TIAM1: variants seen among roughly 807,000 people sequenced by gnomAD.
TIAM1 encodes the protein TIAM Rac1 associated GEF 1.
A neutral mutation model predicts 163.5 loss-of-function variants in TIAM1; 65 were observed. The observed-to-expected ratio is 0.40, with a 90% CI of 0.33 to 0.49. TIAM1 has a LOEUF of 0.49. Among genes scored for constraint, TIAM1 ranks in the 20% least tolerant of loss-of-function variants. TIAM1 has a pLI of 0.77. For synonymous variants in TIAM1, 833 were observed against 810.1 expected (o/e 1.03, Z -0.48); for missense variants, 1,789 against 2,044.7 (o/e 0.87, Z 2.41).
intron 2 of TIAM1, among the ~76,000 whole-genome samples, chr21:31,383,395 T>C (rs180719193): frequency 3.9e-5 from 6 of 152,326 alleles, no homozygotes; most frequent in South Asian, 2.1e-4. Context: ...ATGATGTTCA[T>C]TGAATACCTA....
chr21:31,539,133 C>T (rs1453559285), intron 1 of TIAM1, among the ~76,000 whole-genome samples: 1 of 152,192 alleles, frequency 6.6e-6, no homozygotes, highest in African/African-American at 2.4e-5. Context: ...AGCACACACA[C>T]ACCACATACA....
chr21:31,163,318 G>A (rs1192802690), intron 16 of TIAM1, among the ~76,000 whole-genome samples: 1 of 152,104 alleles, frequency 6.6e-6, no homozygotes, highest in South Asian at 2.1e-4. Context: ...ACAACTGACC[G>A]ACCCCACAAA....
Position 31,130,332 on chromosome 21 carries a change from A to T in TIAM1, c.3943-17T>A. On this transcript the variant is annotated splice_polypyrimidine_tract_variant and intron_variant, in intron 24 of 27. Transcript: ENST00000541036. ...AGATCCTACCTGCAGAGGAGAAGGA[A>T]CCAGCTGCATAAGAAGAATCTAACC... The T allele has an allele frequency of 6.3e-7, 1 of 1,596,776 alleles. No individual in the cohort carries two copies. Among genetic ancestry groups the T allele is most frequent in the Non-Finnish European group, 8.6e-7 (1 of 1,164,364 alleles).
chr21:31,159,481 C>A (rs2083792681), intron 16 of TIAM1, among the ~76,000 whole-genome samples: 1 of 152,216 alleles, frequency 6.6e-6, no homozygotes, highest in Non-Finnish European at 1.5e-5. Flanking sequence ...TTGAGTCTGA[C>A]CGATTTAACA....
chr21:31,223,298 C>T, intron 8 of TIAM1, 108 bp downstream of exon 8: 1 of 1,237,902 alleles, frequency 8.1e-7, no homozygotes, highest in South Asian at 1.7e-5. Context: ...TTCAGAAATC[C>T]ATACACAGCA....
At chr21:31,329,919 G>A (rs773743366) in intron 2 of TIAM1, among the ~76,000 whole-genome samples, 12 of 152,228 alleles carry the variant, frequency 7.9e-5, no homozygotes, top group East Asian at 1.9e-4. Context: ...GCAAAATTAC[G>A]CAGAAAGCAC....
At chr21:31,318,992 T>G (rs1295919059) in intron 2 of TIAM1, among the ~76,000 whole-genome samples, 1 of 152,196 alleles carries the variant, frequency 6.6e-6, no homozygotes, top group Admixed American at 6.5e-5. Flanking sequence ...GCCTCCCAGC[T>G]GGCTACAATT....
intron 2 of TIAM1, among the ~76,000 whole-genome samples, chr21:31,310,776 G>C (rs1024506498): frequency 6.6e-6 from 1 of 152,142 alleles, no homozygotes; most frequent in African/African-American, 2.4e-5. Flanking sequence ...TGTTAGCGTA[G>C]CCAAAAACCC....
At chr21:31,142,646 A>G (rs1206839400) in intron 20 of TIAM1, among the ~76,000 whole-genome samples, 1 of 144,298 alleles carries the variant, frequency 6.9e-6, no homozygotes, top group Non-Finnish European at 1.5e-5. Flanking sequence ...AAAAAAAAAA[A>G]GAAAGAAAAA....
chr21:31,123,946 C>T (rs955849761), intron 27 of TIAM1: 1 of 152,160 alleles, frequency 6.6e-6, no homozygotes, highest in Non-Finnish European at 1.5e-5. Context: ...AAGAATAGCT[C>T]GAGGCTTCCC....
chr21:31,285,901 G>T (rs948231248), intron 2 of TIAM1, among the ~76,000 whole-genome samples: 39 of 152,274 alleles, frequency 2.6e-4, no homozygotes, highest in African/African-American at 9.1e-4. Flanking sequence ...TAAAATAAAA[G>T]AGAGAGTTCA....
chr21:31,225,044 A>C (rs1251168289), intron 7 of TIAM1, among the ~76,000 whole-genome samples: 2 of 152,084 alleles, frequency 1.3e-5, no homozygotes, highest in African/African-American at 2.4e-5. Flanking sequence ...ATATAGAGAG[A>C]GAGCTTGCTC....
intron 10 of TIAM1, among the ~76,000 whole-genome samples, chr21:31,210,779 AAAGAAAGAAAGAAAG>A (rs2086829875): frequency 1.4e-5 from 2 of 142,146 alleles, no homozygotes; most frequent in Admixed American, 6.7e-5. Flanking sequence ...AGAAAGAAAG[AAAGAAAGAAAGAAAG>A]AAAGAAAGAA....
chr21:31,223,014 A>C (rs1010271078), intron 8 of TIAM1, among the ~76,000 whole-genome samples: 1 of 151,934 alleles, frequency 6.6e-6, no homozygotes, highest in African/African-American at 2.4e-5. Context: ...CACTGCGCCC[A>C]GCCTGAGAAT....
upstream of TIAM1, chr21:31,559,057 T>C (rs984359041): frequency 6.6e-5 from 10 of 151,938 alleles, no homozygotes; most frequent in East Asian, 1.8e-3. Context: ...GGCGCTGCTC[T>C]GCCGGCCGCG....
intron 2 of TIAM1, among the ~76,000 whole-genome samples, chr21:31,389,316 A>G (rs2076930875): frequency 1.3e-5 from 2 of 152,084 alleles, no homozygotes. Flanking sequence ...CCCGGGTCCA[A>G]GCAATTCTCA....
chr21:31,449,734 G>A (rs1341525150), intron 2 of TIAM1, among the ~76,000 whole-genome samples: 6 of 152,108 alleles, frequency 3.9e-5, no homozygotes, highest in Non-Finnish European at 8.8e-5. Flanking sequence ...AAAAACACCA[G>A]CCACTTCCAC....
intron 3 of TIAM1, among the ~76,000 whole-genome samples, chr21:31,276,468 G>T (rs1282123338): frequency 6.6e-6 from 1 of 152,096 alleles, no homozygotes; most frequent in Non-Finnish European, 1.5e-5. Context: ...GAAGCCCAGG[G>T]ATAAATTTAC....
chr21:31,378,713 G>A (rs1569279611), intron 2 of TIAM1, among the ~76,000 whole-genome samples: 3 of 152,076 alleles, frequency 2.0e-5, no homozygotes, highest in Non-Finnish European at 4.4e-5. Flanking sequence ...TTCGGTATCC[G>A]TAGGTTCTGC....
Sources: gnomAD v4.1 joint callset for allele counts (sites outside exome capture counted in the v4.1 genomes callset) on GRCh38, gnomAD v4.1.1 for gene constraint, MANE v1.5 for transcripts, NCBI Gene and HGNC (gene_info 2026-07-23, HGNC 2026-07-21) for gene names.